CYP11A1: variants seen among roughly 807,000 people sequenced by gnomAD.
CYP11A1 encodes the protein cholesterol side-chain cleavage enzyme, mitochondrial.
CYP11A1 carries 25 observed loss-of-function variants against 51.9 expected under a neutral mutation model. That is an observed-to-expected ratio of 0.48 (90% CI 0.35 to 0.67). The LOEUF is 0.67. Ranked by LOEUF, CYP11A1 falls within the 30% of genes least tolerant of loss-of-function variation. The pLI is 0.00. For missense variants in CYP11A1, 578 were observed against 680.9 expected, an observed-to-expected ratio of 0.85 and a Z score of 1.68; for synonymous variants, 245 against 262.1, an observed-to-expected ratio of 0.93 and a Z score of 0.63.
At chr15:74,343,396 T>C (rs1223029420) in intron 4 of CYP11A1, among the ~76,000 whole-genome samples, 1 of 151,922 alleles carries the variant, frequency 6.6e-6, no homozygotes, top group Non-Finnish European at 1.5e-5. Context: ...CAAGGTCACA[T>C]GGCTGTAAGG....
chr15:74,340,201 G>C (rs1309572863), intron 5 of CYP11A1, among the ~76,000 whole-genome samples: 1 of 152,210 alleles, frequency 6.6e-6, no homozygotes, highest in East Asian at 1.9e-4. Flanking sequence ...AAAACCTTAG[G>C]CTTCACCTAT....
chr15:74,360,497 G>A (rs1261897883), intron 1 of CYP11A1, among the ~76,000 whole-genome samples: 1 of 151,638 alleles, frequency 6.6e-6, no homozygotes, highest in Non-Finnish European at 1.5e-5. Flanking sequence ...TCTTGGCTAG[G>A]CTGGTCTTGA....
At chr15:74,356,045 A>G (rs149659142) in intron 1 of CYP11A1, among the ~76,000 whole-genome samples, 3,342 of 152,314 alleles carry the variant, frequency 0.022, 88 homozygotes, top group African/African-American at 0.067. Flanking sequence ...CAATAATAGA[A>G]AGGAGGCAGC....
intron 1 of CYP11A1, 130 bp from the exon 2 acceptor site, chr15:74,348,185 G>A (rs1280446124): frequency 3.1e-6 from 3 of 967,712 alleles, no homozygotes; most frequent in Non-Finnish European, 4.6e-6. Context: ...TAACCCCTCT[G>A]AGTCTCAGTT....
At position 74,339,644 on chromosome 15, in the gene CYP11A1, A is replaced by G. The variant is rs762922148; in HGVS notation, c.1100T>C (p.Met367Thr). The change falls in exon 6 of 9, where the codon ATG becomes ACG. Residue 367 changes from methionine to threonine, a missense_variant. Transcript: ENST00000268053. ...LAARHQAQGDMATMLQLVPLL... is the reference protein window; with the variant it reads ...LAARHQAQGDTATMLQLVPLL... ...GGGGACCAGCTGTAGCATCGTGGCC[A>G]TGTCTCCCTGGGCCTGGTGCCGCGC... 1.2e-6 allele frequency: 2 copies of G among 1,614,038 alleles called. No homozygotes were observed. Among genetic ancestry groups the G allele is most frequent in the South Asian group, 2.2e-5 (2 of 91,078 alleles).
chr15:74,337,914 C>T lies in CYP11A1; in HGVS notation c.*58G>A. The T allele has an allele frequency of 1.2e-6, 2 of 1,607,758 alleles. No individual in the cohort carries two copies. The highest frequency in any genetic ancestry group is 1.1e-5 in the South Asian group (1 of 90,756). On this transcript the variant is annotated 3_prime_UTR_variant, in exon 9 of 9. Transcript: ENST00000268053. ...GGACAGACGACTGAAGATGCAGAGA[C>T]CCCATGGGCCCCACCCCTGGGCCTT... is the stretch of plus-strand genomic sequence containing the variant.
intron 1 of CYP11A1, chr15:74,350,096 A>G (rs1029529038): frequency 2.6e-6 from 1 of 379,982 alleles, no homozygotes; most frequent in Middle Eastern, 5.3e-4. Flanking sequence ...TAGAGAGAGA[A>G]AAAAGGAAAG....
At chr15:74,362,490 G>GTTTTTT in intron 1 of CYP11A1, 46 of 158,140 alleles carry the variant, frequency 2.9e-4, no homozygotes, top group South Asian at 1.1e-3. Flanking sequence ...GAATCTGCTG[G>GTTTTTT]AAACATCAGA....
intron 5 of CYP11A1, among the ~76,000 whole-genome samples, chr15:74,342,466 C>T (rs905997223): frequency 6.6e-6 from 1 of 152,082 alleles, no homozygotes; most frequent in Admixed American, 6.5e-5. Context: ...TGCCTCTGGG[C>T]GTTGGGGGCA....
intron 1 of CYP11A1, among the ~76,000 whole-genome samples, chr15:74,358,668 A>G (rs1218781437): frequency 6.6e-6 from 1 of 152,176 alleles, no homozygotes; most frequent in African/African-American, 2.4e-5. Flanking sequence ...AGACACGTTC[A>G]CCGGTTGGGT....
intron 1 of CYP11A1, among the ~76,000 whole-genome samples, chr15:74,349,590 A>C (rs2060646766): frequency 6.6e-6 from 1 of 152,200 alleles, no homozygotes; most frequent in South Asian, 2.1e-4. Context: ...TTGAACTGCT[A>C]TTATCATGAT....
At position 74,345,217 on chromosome 15, in the gene CYP11A1, C is replaced by T. The variant is rs763187434; in HGVS notation, c.452G>A (p.Arg151Gln). 3.7e-6 allele frequency: 6 copies of T among 1,614,216 alleles called. No individual in the cohort carries two copies. Among genetic ancestry groups the T allele is most frequent in the Admixed American group, 1.7e-5 (1 of 60,030 alleles). ...CATCACCTCCTGGTTCAGGGCCACC[C>T]GGTCTTTCTTCCAGGCTGCCGACTT... is the stretch of plus-strand genomic sequence containing the variant. ...LKKSAAWKKD[R>Q]VALNQEVMAP... The change falls in exon 3 of 9, where the codon CGG (arginine) becomes CAG (glutamine). Residue 151 changes from arginine to glutamine, a missense_variant. Arg to Gln is a conservative substitution (Grantham distance 43, BLOSUM62 1). Coordinates refer to ENST00000268053, the MANE Select transcript of CYP11A1 (RefSeq NM_000781.3). This position sits in a 1 kb window ranked among gnomAD's most constrained non-coding sequence, Gnocchi z 4.3.
chr15:74,366,277 A>ATTTTTTTTTTTTTTTTTTTTTTTT (rs759681873), intron 1 of CYP11A1: 2 of 682,450 alleles, frequency 2.9e-6, no homozygotes, highest in African/African-American at 2.7e-5. Context: ...CCCTCCCCCG[A>ATTTTTTTTTTTTTTTTTTTTTTTT]TTTTTTTTTT....
Position 74,337,825 on chromosome 15 carries a change from G to A in CYP11A1, c.*147C>T. The A allele has an allele frequency of 1.0e-6, 1 of 1,000,938 alleles. No individual in the cohort carries two copies. Among genetic ancestry groups the A allele is most frequent in the Non-Finnish European group, 1.5e-6 (1 of 653,306 alleles). The allele number at this position is 1,000,938 out of a possible 1,614,324, so 62.0% of individuals were successfully genotyped here. Reference sequence around the variant, plus strand: ...AGAGGAGTGGCCCAGCTGAGCTGAGGAAGGTGACCACTGAGAACCCATTCA... The same window carrying A: ...AGAGGAGTGGCCCAGCTGAGCTGAGAAAGGTGACCACTGAGAACCCATTCA... On this transcript the variant is annotated 3_prime_UTR_variant, in exon 9 of 9. Coordinates refer to ENST00000268053, the MANE Select transcript of CYP11A1 (RefSeq NM_000781.3).
chr15:74,338,475 C>A, intron 8 of CYP11A1, 96 bp downstream of exon 8: 1 of 1,291,090 alleles, frequency 7.7e-7, no homozygotes, highest in Non-Finnish European at 1.1e-6. Context: ...GCACTGACAT[C>A]CTTGGGCTCT....
In CYP11A1 at chr15:74,367,094, T is replaced by C; in HGVS notation, c.269+223A>G. 5.0e-6 allele frequency: 3 copies of C among 597,000 alleles called. No individual in the cohort carries two copies. The East Asian group carries it at 8.5e-5, about 17-fold the overall frequency. The allele number at this position is 597,000 out of a possible 1,614,324, so 37.0% of individuals were successfully genotyped here. On this transcript the variant is annotated intron_variant, in intron 1 of 8. Transcript: ENST00000268053. ...TGCCACCAATTGTTTCAAAAGTAGA[T>C]GTCTGGTTTAGAGTACTTAAGACAT...
intron 1 of CYP11A1, 111 bp downstream of exon 1, chr15:74,367,202 TAGAC>T (rs1430396268): frequency 1.0e-5 from 11 of 1,066,764 alleles, no homozygotes; most frequent in African/African-American, 3.3e-5. Flanking sequence ...AAAAAGAAGT[TAGAC>T]AGGAGTTTGG....
chr15:74,349,044 T>A (rs2060644316), intron 1 of CYP11A1, among the ~76,000 whole-genome samples: 1 of 152,090 alleles, frequency 6.6e-6, no homozygotes, highest in African/African-American at 2.4e-5. Context: ...CTGTTACATA[T>A]GACTGGTGTT....
At chr15:74,355,497 T>C (rs1342428605) in intron 1 of CYP11A1, among the ~76,000 whole-genome samples, 2 of 152,272 alleles carry the variant, frequency 1.3e-5, no homozygotes, top group Non-Finnish European at 1.5e-5. Context: ...CCAAGTGTTG[T>C]TGAGTCTTTC....
Sources: gnomAD v4.1 joint callset for allele counts (sites outside exome capture counted in the v4.1 genomes callset) on GRCh38, gnomAD v4.1.1 for gene constraint, Gnocchi (gnomAD v3.1) non-coding constraint, MANE v1.5 for transcripts, NCBI Gene and HGNC (gene_info 2026-07-23, HGNC 2026-07-21) for gene names.